CYTH2: variants seen among roughly 807,000 people sequenced by gnomAD.
CYTH2 encodes the protein cytohesin-2.
In CYTH2, 24 loss-of-function variants were observed where a neutral mutation model predicts 55.4. The observed-to-expected ratio is 0.43, with a 90% CI of 0.31 to 0.61. CYTH2 has a LOEUF of 0.61. Ranked by LOEUF, CYTH2 falls within the 20% of genes least tolerant of loss-of-function variation. The pLI, the probability that CYTH2 is intolerant of heterozygous loss-of-function variation, is 0.08. For missense variants in CYTH2, 378 were observed against 533.5 expected (o/e 0.71, Z 2.87); for synonymous variants, 221 against 209.6 (o/e 1.05, Z -0.47).
Position 48,474,167 on chromosome 19 carries a change from C to G in CYTH2, c.548-15C>G. On this transcript the variant is annotated splice_polypyrimidine_tract_variant and intron_variant, in intron 6 of 11. Coordinates refer to ENST00000452733, the MANE Select transcript of CYTH2 (RefSeq NM_004228.7). This position sits in a 1 kb window ranked among gnomAD's most constrained non-coding sequence, Gnocchi z 4.9. ...GACATGCCTGGGTCGTCACCACCTG[C>G]CCTGTCCGGTGCAGACACGTGCTAT... 6.3e-7 allele frequency: 1 copy of G among 1,577,376 alleles called. No homozygotes were observed. The highest frequency in any genetic ancestry group is 1.2e-5 in the South Asian group (1 of 84,720).
Position 48,480,889 on chromosome 19 carries a change from A to T in CYTH2, c.*1679A>T, listed in dbSNP as rs1231337512. ...CATGCAGGGCGGCCGGCTCCGTGGCAGGCAGAGGCAGGAAGAGGCGCGGAG... is the reference window on the plus strand; with the variant it reads ...CATGCAGGGCGGCCGGCTCCGTGGCTGGCAGAGGCAGGAAGAGGCGCGGAG... On this transcript the variant is annotated 3_prime_UTR_variant, in exon 12 of 12. Transcript: ENST00000452733. The T allele has an allele frequency of 6.6e-6, 1 of 152,178 alleles. No homozygotes were observed. The highest frequency in any genetic ancestry group is 2.4e-5 in the African/African-American group (1 of 41,432). The allele number at this position is 152,178 out of a possible 1,614,324, so 9.4% of individuals were successfully genotyped here.
rs1200245962 is a variant in CYTH2, at chr19:48,470,331, A to C, written c.20-22A>C. Reference sequence around the variant, plus strand: ...CTCACGGCCCCTAGCACTGACTTTTAAACCTTGACCCCGATCCCTAGAACC... The same window carrying C: ...CTCACGGCCCCTAGCACTGACTTTTCAACCTTGACCCCGATCCCTAGAACC... On this transcript the variant is annotated intron_variant, in intron 1 of 11. Transcript: ENST00000452733. 9 of 1,590,938 alleles carry C rather than the reference A, an allele frequency of 5.7e-6. No homozygotes were observed. In the South Asian group the frequency reaches 1.0e-4, roughly 18 times the overall value.
chr19:48,470,231 C>A, intron 1 of CYTH2, 122 bp from the exon 2 acceptor site: 1 of 1,396,378 alleles, frequency 7.2e-7, no homozygotes, highest in Non-Finnish European at 9.7e-7. Flanking sequence ...CCAGCCCATT[C>A]TTCTGTGCAG....
rs930438128 is a variant in CYTH2 at position 48,480,553 on chromosome 19, A to G, written c.*1343A>G. 1 of 152,310 alleles carries G rather than the reference A, an allele frequency of 6.6e-6. No individual in the cohort carries two copies. The highest frequency in any genetic ancestry group is 2.1e-4 in the South Asian group (1 of 4,826). The allele number at this position is 152,310 out of a possible 1,614,324, so 9.4% of individuals were successfully genotyped here. ...CGGCAGGCTGTGCGGCGCCAAAGCC[A>G]CGGTGACCCAGACCCGAGGTTTTTC... On this transcript the variant is annotated 3_prime_UTR_variant, in exon 12 of 12. Transcript: ENST00000452733.
intron 4 of CYTH2, chr19:48,473,002 G>A (rs1971835569): frequency 5.3e-6 from 2 of 380,740 alleles, no homozygotes; most frequent in South Asian, 5.4e-5. Context: ...TGGGGAGCAT[G>A]GGGATCATTT....
At chr19:48,473,800 C>A (rs184803168) in intron 5 of CYTH2, 105 bp from the exon 6 acceptor site, 2 of 876,286 alleles carry the variant, frequency 2.3e-6, no homozygotes, top group African/African-American at 1.7e-5. Flanking sequence ...CTGCTGAGGC[C>A]GGAAGGTCGG....
At chr19:48,469,586 C>A in intron 1 of CYTH2, 60 bp downstream of exon 1, 2 of 1,323,776 alleles carry the variant, frequency 1.5e-6, no homozygotes, top group South Asian at 2.3e-5. Context: ...CCTGAACGTT[C>A]CGCCGCGAAC....
Position 48,474,444 on chromosome 19 carries a change from C to T in CYTH2, c.696+114C>T, listed in dbSNP as rs73942287. ...GTCTGCCCTCACCCCCAAGATGGTG[C>T]GATCATGCCAACTCGTGTGTGATCT... On this transcript the variant is annotated intron_variant, in intron 7 of 11. Transcript: ENST00000452733. The surrounding 1 kb of genome is among the most constrained non-coding windows in gnomAD (Gnocchi z 4.9). 31,382 of 1,117,304 alleles carry T rather than the reference C, an allele frequency of 0.028. 1,284 individuals are homozygous for T. The highest frequency in any genetic ancestry group is 0.18 in the African/African-American group (11,131 of 63,178). 69.2% of individuals were successfully genotyped at this position (1,117,304 alleles called of 1,614,324 possible). A position where few individuals can be genotyped will look rare whatever the true frequency, so the allele number is the denominator to read the frequency against.
In CYTH2 at chr19:48,474,208, G is replaced by T. The variant is rs141113238; in HGVS notation, c.574G>T (p.Val192Phe). 6.2e-7 allele frequency: 1 copy of T among 1,607,984 alleles called. No individual in the cohort carries two copies. The highest frequency in any genetic ancestry group is 1.3e-5 in the African/African-American group (1 of 74,736). Residue 192 changes from valine to phenylalanine, a missense_variant, in exon 7 of 12, where the codon GTC becomes TTC. Coordinates refer to ENST00000452733, the MANE Select transcript of CYTH2 (RefSeq NM_004228.7). The surrounding 1 kb of genome is among the most constrained non-coding windows in gnomAD (Gnocchi z 4.9). ...CACGTGCTATGTGCTGTCCTTCGCC[G>T]TCATCATGCTCAACACCAGTCTCCA... ...TDTCYVLSFA[V>F]IMLNTSLHNP...
Position 48,472,430 on chromosome 19 carries a change from T to C in CYTH2, c.340T>C (p.Tyr114His), listed in dbSNP as rs779954718. ...EGLNKTAIGD[Y>H]LGEREELNLA... is the part of the protein sequence containing the mutation. Reference sequence around the variant, plus strand: ...GCTGAACAAGACAGCCATCGGGGACTACCTGGGGGAGAGGTACGGTCACCA... The same window carrying C: ...GCTGAACAAGACAGCCATCGGGGACCACCTGGGGGAGAGGTACGGTCACCA... Residue 114 changes from tyrosine (Y) to histidine (H), a missense_variant, in exon 4 of 12, where the codon TAC becomes CAC. Transcript: ENST00000452733. 6.2e-7 allele frequency: 1 copy of C among 1,613,378 alleles called. No homozygotes were observed.
chr19:48,477,903 C>T lies in CYTH2; in HGVS notation c.809-166C>T, dbSNP rs905064289. The T allele has an allele frequency of 1.7e-5, 10 of 588,870 alleles. No homozygotes were observed. The African/African-American group carries it at 1.9e-4, about 11-fold the overall frequency. The allele number at this position is 588,870 out of a possible 1,614,324, so 36.5% of individuals were successfully genotyped here. A position where few individuals can be genotyped will look rare whatever the true frequency, so the allele number is the denominator to read the frequency against. Reference sequence around the variant, plus strand: ...TGGGGGTGGACGATTCCTGGAGCCCCAACATGCCTGGCCCTGCTTGTCTGT... The same window carrying T: ...TGGGGGTGGACGATTCCTGGAGCCCTAACATGCCTGGCCCTGCTTGTCTGT... On this transcript the variant is annotated intron_variant, in intron 8 of 11. Coordinates refer to ENST00000452733, the MANE Select transcript of CYTH2 (RefSeq NM_004228.7).
rs1183956130 is a variant in CYTH2, at chr19:48,473,985, G to A, written c.515G>A (p.Cys172Tyr). 3.1e-6 allele frequency: 5 copies of A among 1,613,442 alleles called. No homozygotes were observed. Among genetic ancestry groups the A allele is most frequent in the Non-Finnish European group, 4.2e-6 (5 of 1,179,750 alleles). The change falls in exon 6 of 12, where the codon TGC (cysteine) becomes TAC (tyrosine). Residue 172 changes from cysteine (C) to tyrosine (Y), a missense_variant. Coordinates refer to ENST00000452733, the MANE Select transcript of CYTH2 (RefSeq NM_004228.7). ...ATGGAGGCCTTCGCCCAGCGATACT[G>A]CCTGTGCAACCCTGGGGTTTTCCAG... ...RMMEAFAQRY[C>Y]LCNPGVFQST...
Position 48,474,099 on chromosome 19 carries a change from A to G in CYTH2, c.547+82A>G. 6.5e-7 allele frequency: 1 copy of G among 1,545,676 alleles called. No individual in the cohort carries two copies. ...GGTCTGAGGGAGGGAGGGGGCTGGG[A>G]GCTGGGAATCCTGGGTCCTGGGGAA... On this transcript the variant is annotated intron_variant, in intron 6 of 11. Transcript: ENST00000452733. The surrounding 1 kb of genome is among the most constrained non-coding windows in gnomAD (Gnocchi z 4.9).
rs762366236 is a variant in CYTH2 at position 48,474,924 on chromosome 19, C to T, written c.783C>T (p.Asp261=). 5 of 1,614,222 alleles carry T rather than the reference C, an allele frequency of 3.1e-6. No individual in the cohort carries two copies. In the South Asian group the frequency reaches 5.5e-5, roughly 18 times the overall value. ...TGACCCACACCTTCTTCAACCCGGA[C>T]CGGGAGGGCTGGCTCCTGAAGCTGG... The part of the protein sequence containing the change: ...NDLTHTFFNP[D]REGWLLKLGG... The change falls in exon 8 of 12, where the codon GAC becomes GAT. Residue 261 remains aspartate, a synonymous_variant. Coordinates refer to ENST00000452733, the MANE Select transcript of CYTH2 (RefSeq NM_004228.7). The surrounding 1 kb of genome is among the most constrained non-coding windows in gnomAD (Gnocchi z 4.9).
At chr19:48,473,191 G>A (rs867095451) in intron 4 of CYTH2, 107 bp from the exon 5 acceptor site, 4 of 1,222,546 alleles carry the variant, frequency 3.3e-6, no homozygotes, top group Middle Eastern at 4.7e-4. Context: ...TCGGCAGTGG[G>A]CAGCTGTGGT....
In CYTH2 at chr19:48,472,444, G is replaced by A. The variant is rs768698428; in HGVS notation, c.353+1G>A. On this transcript the variant is annotated splice_donor_variant, in intron 4 of 11. Coordinates refer to ENST00000452733, the MANE Select transcript of CYTH2 (RefSeq NM_004228.7). LOFTEE classifies it high-confidence loss of function. ...CCATCGGGGACTACCTGGGGGAGAG[G>A]TACGGTCACCACTCAGCTCCTGTGG... 1.2e-6 allele frequency: 2 copies of A among 1,612,528 alleles called. No homozygotes were observed. Among genetic ancestry groups the A allele is most frequent in the East Asian group, 2.2e-5 (1 of 44,884 alleles).
chr19:48,473,741 GGCCAAT>G, intron 5 of CYTH2, 158 bp from the exon 6 acceptor site: 1 of 624,812 alleles, frequency 1.6e-6, no homozygotes, highest in Non-Finnish European at 2.8e-6. Flanking sequence ...ACACTCCCGT[GGCCAAT>G]GCCCATTGGT....
intron 11 of CYTH2, 145 bp downstream of exon 11, chr19:48,478,737 TG>T: frequency 1.3e-6 from 1 of 743,868 alleles, no homozygotes; most frequent in Non-Finnish European, 1.8e-6. Context: ...GAGGAGGGGC[TG>T]GGGCCTGGAC....
At chr19:48,478,902 G>T (rs1305624546) in intron 11 of CYTH2, among the ~76,000 whole-genome samples, 1 of 148,518 alleles carries the variant, frequency 6.7e-6, no homozygotes, top group Non-Finnish European at 1.5e-5. Context: ...GGACTCCTGG[G>T]TGTGAGGGAG....
Sources: allele counts gnomAD v4.1 joint callset (sites outside exome capture counted in the v4.1 genomes callset), GRCh38; gene constraint gnomAD v4.1.1; non-coding constraint Gnocchi (gnomAD v3.1); transcripts MANE v1.5; gene names NCBI Gene and HGNC (gene_info 2026-07-23, HGNC 2026-07-21).